The following SLC2A7 variants were observed in gnomAD, a reference collection of about 807,000 sequenced individuals.
The protein encoded by SLC2A7 is solute carrier family 2 member 7.
A neutral mutation model predicts 50.5 loss-of-function variants in SLC2A7; 50 were observed. That is an observed-to-expected ratio of 0.99 (90% CI 0.79 to 1.25). SLC2A7 has a LOEUF of 1.25. Among genes scored for constraint, SLC2A7 ranks in the 50% most tolerant of loss-of-function variants. The probability of loss-of-function intolerance (pLI) is 0.00; values close to 1 mark genes in which losing one functional copy is unlikely to be tolerated. For synonymous variants in SLC2A7, 308 were observed against 300.4 expected, an observed-to-expected ratio of 1.03 and a Z score of -0.26; for missense variants, 683 against 679.1, an observed-to-expected ratio of 1.01 and a Z score of -0.06.
rs1021292654 is a variant in SLC2A7 at position 9,003,175 on chromosome 1, T to C, written c.*125A>G. The C allele has an allele frequency of 1.0e-4, 77 of 755,586 alleles. No individual in the cohort carries two copies. The highest frequency in any genetic ancestry group is 1.5e-4 in the Non-Finnish European group (72 of 465,966). 46.8% of individuals were successfully genotyped at this position (755,586 alleles called of 1,614,324 possible). On this transcript the variant is annotated 3_prime_UTR_variant, in exon 12 of 12. Transcript: ENST00000400906. ...TGTGGGTATTTAATAATATCCATAA[T>C]TAAGTTAAATGGGGGCAACGACAAA...
Position 9,003,190 on chromosome 1 carries a change from G to A in SLC2A7, c.*110C>T. 1.1e-6 allele frequency: 1 copy of A among 878,056 alleles called. No individual in the cohort carries two copies. Among genetic ancestry groups the A allele is most frequent in the Admixed American group, 2.8e-5 (1 of 35,990 alleles). The allele number at this position is 878,056 out of a possible 1,614,324, so 54.4% of individuals were successfully genotyped here. A position where few individuals can be genotyped will look rare whatever the true frequency, so the allele number is the denominator to read the frequency against. Reference sequence around the variant, plus strand: ...ATATCCATAATTAAGTTAAATGGGGGCAACGACAAAAGCCTCCGTGCTATT... The same window carrying A: ...ATATCCATAATTAAGTTAAATGGGGACAACGACAAAAGCCTCCGTGCTATT... On this transcript the variant is annotated 3_prime_UTR_variant, in exon 12 of 12. Transcript: ENST00000400906.
chr1:8,996,027 C>A, the SLC2A7 span, among the ~76,000 whole-genome samples: 4 of 152,196 alleles, frequency 2.6e-5, no homozygotes, highest in African/African-American at 9.7e-5. Context: ...CTTGGCCTCC[C>A]AAAGTGCTGG....
chr1:9,020,857 TAG>T (rs1193351006), intron 3 of SLC2A7, among the ~76,000 whole-genome samples: 7 of 152,174 alleles, frequency 4.6e-5, no homozygotes, highest in Non-Finnish European at 7.4e-5. Flanking sequence ...GTTCTCGTGA[TAG>T]TGAATAAGTC....
the SLC2A7 span, among the ~76,000 whole-genome samples, chr1:8,997,311 AAAAC>A: frequency 5.3e-5 from 8 of 152,214 alleles, no homozygotes; most frequent in East Asian, 3.9e-4. Flanking sequence ...GTTTCTTAAA[AAAAC>A]AAACAAACAA....
At position 9,004,879 on chromosome 1, in the gene SLC2A7, C is replaced by T. The variant is rs1207410457; in HGVS notation, c.1193G>A (p.Ser398Asn). The T allele has an allele frequency of 9.9e-6, 16 of 1,613,260 alleles. No individual in the cohort carries two copies. The highest frequency in any genetic ancestry group is 5.3e-5 in the African/African-American group (4 of 74,892). ...GGTCCTCACCACCGAGGGGACAGGA[C>T]CTGGAGGGCAGAGCAGGATGGGTGG... ...AYIAGHSIGP[S>N]PVPSVVRTEI... Residue 398 changes from serine to asparagine, a missense_variant and splice_region_variant, in exon 11 of 12, where the codon AGT (serine) becomes AAT (asparagine). Ser to Asn is a conservative substitution (Grantham distance 46). Coordinates refer to ENST00000400906, the MANE Select transcript of SLC2A7 (RefSeq NM_207420.3).
chr1:9,017,225 CAGG>C (rs1188061773), intron 5 of SLC2A7, among the ~76,000 whole-genome samples: 1 of 152,148 alleles, frequency 6.6e-6, no homozygotes, highest in Non-Finnish European at 1.5e-5. Flanking sequence ...GAGGCTGAGG[CAGG>C]AGAACTGCTT....
At chr1:9,018,164 C>T (rs1291095132) in intron 5 of SLC2A7, 59 bp downstream of exon 5, 2 of 1,607,182 alleles carry the variant, frequency 1.2e-6, no homozygotes, top group African/African-American at 2.7e-5. Context: ...CCGTCAGTAA[C>T]ACCTGGCACA....
In SLC2A7 at chr1:9,005,736, A is replaced by G. The variant is rs1640644576; in HGVS notation, c.1193-857T>C. ...CAGGATAATCTGTTGAACTCGGGAG[A>G]TGGAGGTTGCGCTCCAGCCTGGGCA... On this transcript the variant is annotated intron_variant, in intron 10 of 11. Transcript: ENST00000400906. 1.4e-5 allele frequency among the ~76,000 whole-genome samples: 2 copies of G among 142,658 alleles called. 1 individual carries two copies. Among genetic ancestry groups the G allele is most frequent in the South Asian group, 5.1e-4 (2 of 3,906 alleles). The allele number at this position is 142,658 out of a possible 152,430, so 93.6% of individuals were successfully genotyped here.
intron 10 of SLC2A7, among the ~76,000 whole-genome samples, chr1:9,007,043 T>C (rs1640662274): frequency 6.6e-6 from 1 of 152,176 alleles, no homozygotes; most frequent in Non-Finnish European, 1.5e-5. Flanking sequence ...CAAAAGCTCA[T>C]GTCCTTGTTG....
chr1:9,025,080 G>A lies in SLC2A7; in HGVS notation c.52-6C>T. On this transcript the variant is annotated splice_polypyrimidine_tract_variant and splice_region_variant and intron_variant, in intron 1 of 11. Coordinates refer to ENST00000400906, the MANE Select transcript of SLC2A7 (RefSeq NM_207420.3). ...AACAGCGTCGGCTGGAGCCGCTGTA[G>A]GAGACAAGTCCAAGGTCGGGACGCT... 1.2e-6 allele frequency: 2 copies of A among 1,613,604 alleles called. No homozygotes were observed. The highest frequency in any genetic ancestry group is 1.1e-5 in the South Asian group (1 of 91,072).
downstream of SLC2A7, among the ~76,000 whole-genome samples, chr1:8,998,044 A>G (rs1557643400): frequency 6.6e-6 from 1 of 152,206 alleles, no homozygotes; most frequent in Admixed American, 6.5e-5. Flanking sequence ...TGCATGTGAC[A>G]TAACTGCTCC....
Position 9,018,347 on chromosome 1 carries a change from G to A in SLC2A7, c.465C>T (p.Tyr155=), listed in dbSNP as rs1157410271. ...AGISYSALPM[Y]LGELAPKNLR... Reference sequence around the variant, plus strand: ...GGTTCTTGGGGGCCAGTTCTCCCAGGTACATGGGAAGGGCGCTGTAGGAGA... The same window carrying A: ...GGTTCTTGGGGGCCAGTTCTCCCAGATACATGGGAAGGGCGCTGTAGGAGA... Residue 155 remains tyrosine, a synonymous_variant, in exon 5 of 12, where the codon TAC becomes TAT. Coordinates refer to ENST00000400906, the MANE Select transcript of SLC2A7 (RefSeq NM_207420.3). The A allele has an allele frequency of 1.9e-6, 3 of 1,613,558 alleles. No homozygotes were observed. Among genetic ancestry groups the A allele is most frequent in the Non-Finnish European group, 2.5e-6 (3 of 1,180,042 alleles).
chr1:9,016,415 G>C (rs1640831812), intron 5 of SLC2A7, among the ~76,000 whole-genome samples: 1 of 152,164 alleles, frequency 6.6e-6, no homozygotes, highest in African/African-American at 2.4e-5. Flanking sequence ...GATCAGCCTG[G>C]ACAACATAGT....
chr1:8,998,658 T>C (rs573707871), downstream of SLC2A7, among the ~76,000 whole-genome samples: 1 of 152,312 alleles, frequency 6.6e-6, no homozygotes, highest in East Asian at 1.9e-4. Flanking sequence ...TGTCAATTTC[T>C]AACCCCATCC....
rs1436742437 is a variant in SLC2A7, at chr1:9,026,351, T to A, written c.-6A>T. ...CCCGCCTCTTTGTTCTCCATCCTTG[T>A]TCAGGTGGGAGAACAGGTGTGCTCT... On this transcript the variant is annotated 5_prime_UTR_variant, in exon 1 of 12. Coordinates refer to ENST00000400906, the MANE Select transcript of SLC2A7 (RefSeq NM_207420.3). The A allele has an allele frequency of 1.2e-6, 2 of 1,603,788 alleles. No homozygotes were observed. Among genetic ancestry groups the A allele is most frequent in the East Asian group, 4.5e-5 (2 of 44,730 alleles).
rs185846495 is a variant in SLC2A7 at position 9,008,888 on chromosome 1, G to C, written c.1116+1255C>G. ...TGGGATTACAGGTGTGAGCCACTGC[G>C]TCTGGCTGAGAACTTATACTGGTTT... On this transcript the variant is annotated intron_variant, in intron 9 of 11. Transcript: ENST00000400906. The surrounding 1 kb of genome is among the most constrained non-coding windows in gnomAD (Gnocchi z 5.9). Among the ~76,000 whole-genome samples, 2 of 152,180 alleles carry C rather than the reference G, an allele frequency of 1.3e-5. No homozygotes were observed. The highest frequency in any genetic ancestry group is 2.4e-5 in the African/African-American group (1 of 41,444).
intron 10 of SLC2A7, 51 bp from the exon 11 acceptor site, chr1:9,004,930 C>T (rs1360919938): frequency 6.3e-7 from 1 of 1,583,458 alleles, no homozygotes; most frequent in Non-Finnish European, 8.6e-7. Context: ...AGGTGTCCCC[C>T]AGGGCTGGCG....
At chr1:9,001,349 C>A (rs1268134245), downstream of SLC2A7, among the ~76,000 whole-genome samples, 1 of 151,420 alleles carries the variant, frequency 6.6e-6, no homozygotes, top group Non-Finnish European at 1.5e-5. Flanking sequence ...CCAGCCTTAT[C>A]ATCTCGAGTG....
intron 5 of SLC2A7, among the ~76,000 whole-genome samples, chr1:9,016,420 C>T (rs1238918144): frequency 6.6e-6 from 1 of 152,146 alleles, no homozygotes; most frequent in Non-Finnish European, 1.5e-5. Flanking sequence ...GCCTGGACAA[C>T]ATAGTGAGAC....
Sources: allele counts gnomAD v4.1 joint callset (sites outside exome capture counted in the v4.1 genomes callset), GRCh38; gene constraint gnomAD v4.1.1; non-coding constraint Gnocchi (gnomAD v3.1); transcripts MANE v1.5; gene names NCBI Gene and HGNC (gene_info 2026-07-23, HGNC 2026-07-21).